VPS29: variants seen among roughly 807,000 people sequenced by gnomAD.
VPS29 encodes VPS29 retromer complex component, also known as vacuolar protein sorting-associated protein 29.
VPS29 carries 2 observed loss-of-function variants against 20.0 expected under a neutral mutation model. The observed-to-expected ratio is 0.10, with a 90% CI of 0.04 to 0.31. The LOEUF (loss-of-function observed/expected upper bound fraction) is 0.31, where lower values mean the gene tolerates loss of function less well. VPS29 is among the 10% of genes least tolerant of loss of function. The probability of loss-of-function intolerance (pLI) is 1.00; values close to 1 mark genes in which losing one functional copy is unlikely to be tolerated. For synonymous variants in VPS29, 81 were observed against 79.3 expected (o/e 1.02, Z -0.12); for missense variants, 120 against 215.3 (o/e 0.56, Z 2.77).
chr12:110,492,545 A>C (rs1362857823), intron 3 of VPS29, among the ~76,000 whole-genome samples: 1 of 151,712 alleles, frequency 6.6e-6, no homozygotes, highest in Non-Finnish European at 1.5e-5. Context: ...ACTCCAGCCT[A>C]GGTGACAGAG....
At chr12:110,498,485 TCAAA>T (rs997021522) in intron 1 of VPS29, among the ~76,000 whole-genome samples, 15 of 152,256 alleles carry the variant, frequency 9.9e-5, no homozygotes, top group African/African-American at 3.4e-4. Context: ...TGAAAATTAA[TCAAA>T]CAAACAAAAT....
At chr12:110,495,843 T>G (rs1000621094) in intron 2 of VPS29, among the ~76,000 whole-genome samples, 169 bp downstream of exon 2, 4 of 152,098 alleles carry the variant, frequency 2.6e-5, no homozygotes, top group African/African-American at 9.7e-5. Flanking sequence ...ATCAGTGATT[T>G]TCAAATAGTA....
chr12:110,501,790 C>A (rs1312974436), intron 1 of VPS29: 6 of 1,090,068 alleles, frequency 5.5e-6, no homozygotes, highest in Non-Finnish European at 8.1e-6. Flanking sequence ...GGTCGGGCTG[C>A]TAGAGGGGCC....
chr12:110,493,551 G>A (rs1343967000), intron 2 of VPS29, among the ~76,000 whole-genome samples: 7 of 151,836 alleles, frequency 4.6e-5, no homozygotes, highest in Non-Finnish European at 5.9e-5. Context: ...TAGTAGAGAC[G>A]GAGTCTCACC....
chr12:110,501,179 A>AAAAG (rs1170313284), intron 1 of VPS29, among the ~76,000 whole-genome samples: 1 of 152,094 alleles, frequency 6.6e-6, no homozygotes, highest in African/African-American at 2.4e-5. Flanking sequence ...CTCCATCTCA[A>AAAAG]AAAGAAAGAA....
At position 110,492,043 on chromosome 12, in the gene VPS29, C is replaced by A; in HGVS notation, c.511G>T (p.Asp171Tyr). The A allele has an allele frequency of 6.2e-7, 1 of 1,613,896 alleles. No homozygotes were observed. Among genetic ancestry groups the A allele is most frequent in the Non-Finnish European group, 8.5e-7 (1 of 1,179,964 alleles). ...TATTCGATTCGTTCTACTTTCACAT[C>A]ATCTCCAATTAGCTGATACACATAG... is the stretch of plus-strand genomic sequence containing the variant. ...VTYVYQLIGD[D>Y]VKVERIEYKK... The change falls in exon 4 of 4, where the codon GAT becomes TAT. Residue 171 changes from aspartate (D) to tyrosine (Y), a missense_variant. Asp to Tyr is a radical substitution (Grantham distance 160). Coordinates refer to ENST00000549578, the MANE Select transcript of VPS29 (RefSeq NM_016226.5).
intron 1 of VPS29, 117 bp downstream of exon 1, chr12:110,501,932 C>T (rs1408011016): frequency 6.2e-7 from 1 of 1,601,878 alleles, no homozygotes. Context: ...CGCCTGGGCC[C>T]TGACGCCGAG....
At position 110,493,089 on chromosome 12, in the gene VPS29, G is replaced by A. The variant is rs771352603; in HGVS notation, c.338C>T (p.Ser113Leu). The stretch of plus-strand genomic sequence containing the variant: ...TGCTTCAAATTTGTGTGTGTGTCCC[G>A]AGATAAGAATGTCCACATCAAATTG... ...QRQFDVDILI[S>L]GHTHKFEAFE... is the part of the protein sequence containing the mutation. The change falls in exon 3 of 4, where the codon TCG becomes TTG. Residue 113 changes from serine to leucine, a missense_variant. By Grantham distance (145) the Ser-to-Leu change is moderately radical. Transcript: ENST00000549578. 2.5e-6 allele frequency: 4 copies of A among 1,613,940 alleles called. No homozygotes were observed. Among genetic ancestry groups the A allele is most frequent in the Admixed American group, 1.7e-5 (1 of 59,980 alleles).
In VPS29 at chr12:110,502,079, A is replaced by ACCACCGTCGC. The variant is rs2063083424; in HGVS notation, c.-38_-29dup. On this transcript the variant is annotated 5_prime_UTR_variant, in exon 1 of 4. Transcript: ENST00000549578. ...TGTCACCGGGCTCCGCTCAGTCACC[A>ACCACCGTCGC]CCACCGTCGCCGCCCTCTTCCTCAG... The ACCACCGTCGC allele has an allele frequency of 6.2e-6, 10 of 1,608,098 alleles. No homozygotes were observed. Among genetic ancestry groups the ACCACCGTCGC allele is most frequent in the Non-Finnish European group, 8.5e-6 (10 of 1,177,884 alleles).
intron 3 of VPS29, 99 bp from the exon 4 acceptor site, chr12:110,492,221 TA>T: frequency 1.1e-6 from 1 of 933,060 alleles, no homozygotes; most frequent in Non-Finnish European, 1.7e-6. Context: ...AGAAATCTGT[TA>T]CATATCACAT....
At chr12:110,493,651 T>A (rs1000044920) in intron 2 of VPS29, among the ~76,000 whole-genome samples, 1 of 152,176 alleles carries the variant, frequency 6.6e-6, no homozygotes, top group Non-Finnish European at 1.5e-5. Flanking sequence ...CCTGAGCCAC[T>A]GTGCCCACCC....
intron 1 of VPS29, 200 bp downstream of exon 1, chr12:110,501,849 C>A: frequency 7.4e-7 from 1 of 1,353,686 alleles, no homozygotes; most frequent in Non-Finnish European, 1.0e-6. Context: ...GGATACGAGA[C>A]CTAGGCCAGC....
intron 1 of VPS29, among the ~76,000 whole-genome samples, chr12:110,499,852 G>A (rs2062971637): frequency 6.6e-6 from 1 of 151,824 alleles, no homozygotes; most frequent in Admixed American, 6.6e-5. Context: ...TCTGTACATC[G>A]ACTTCCATCT....
Position 110,493,189 on chromosome 12 carries a change from A to C in VPS29, c.238T>G (p.Phe80Val). The C allele has an allele frequency of 6.2e-7, 1 of 1,602,692 alleles. No individual in the cohort carries two copies. The highest frequency in any genetic ancestry group is 1.3e-5 in the African/African-American group (1 of 74,632). ...PEQKVVTVGQ[F>V]KIGLIHGHQV... ...TGTCCATGGATCAGACCAATTTTGA[A>C]CTGTCCAACAGTCACAACTTTCTGT... Residue 80 changes from phenylalanine (F) to valine (V), a missense_variant, in exon 3 of 4, where the codon TTC (phenylalanine) becomes GTC (valine). Phe to Val is a conservative substitution (Grantham distance 50, BLOSUM62 -1). Transcript: ENST00000549578.
chr12:110,498,880 T>C, intron 1 of VPS29: 3 of 973,378 alleles, frequency 3.1e-6, no homozygotes, highest in Non-Finnish European at 3.7e-6. Context: ...TTGAAGTACA[T>C]AGTTAGTATG....
rs545734859 is a variant in VPS29, at chr12:110,500,667, T to C, written c.3+1382A>G. Among the ~76,000 whole-genome samples, 20 of 152,230 alleles carry C rather than the reference T, an allele frequency of 1.3e-4. No individual in the cohort carries two copies. In the South Asian group the frequency reaches 3.9e-3, roughly 30 times the overall value. On this transcript the variant is annotated intron_variant, in intron 1 of 3. Transcript: ENST00000549578. ...TAAAAATAAAAAAGAATGCAATAAA[T>C]GCCTGTCAGAGGTAGACGTCCCTTT...
In VPS29 at chr12:110,492,598, AT is replaced by A. The variant is rs1165212133; in HGVS notation, c.431+397del. 1.4e-4 allele frequency among the ~76,000 whole-genome samples: 17 copies of A among 122,850 alleles called. 1 individual carries two copies. In the Middle Eastern group the frequency reaches 0.012, roughly 85 times the overall value. 80.6% of individuals were successfully genotyped at this position (122,850 alleles called of 152,430 possible). ...AAAAAAAAAAGTCACATTTATTTTTATTTTATTTATTTATTTATTTATTTAT... is the reference window on the plus strand; with the variant it reads ...AAAAAAAAAAGTCACATTTATTTTTATTTATTTATTTATTTATTTATTTAT... On this transcript the variant is annotated intron_variant, in intron 3 of 3. Coordinates refer to ENST00000549578, the MANE Select transcript of VPS29 (RefSeq NM_016226.5).
chr12:110,496,718 T>C (rs1051605525), intron 1 of VPS29: 9 of 152,270 alleles, frequency 5.9e-5, no homozygotes, highest in African/African-American at 2.2e-4. Flanking sequence ...CCCAGAAATA[T>C]TTAAGGAAAT....
chr12:110,494,549 C>A (rs1299899656), intron 2 of VPS29, among the ~76,000 whole-genome samples: 9 of 151,476 alleles, frequency 5.9e-5, no homozygotes, highest in Admixed American at 5.3e-4. Context: ...CCACCGCACC[C>A]GGCCTAAAAT....
Sources: gnomAD v4.1 joint callset for allele counts (sites outside exome capture counted in the v4.1 genomes callset) on GRCh38, gnomAD v4.1.1 for gene constraint, MANE v1.5 for transcripts, NCBI Gene and HGNC (gene_info 2026-07-23, HGNC 2026-07-21) for gene names.